SAPCD2: variants seen among roughly 807,000 people sequenced by gnomAD.
The protein encoded by SAPCD2 is suppressor APC domain containing 2, also known as suppressor APC domain-containing protein 2.
In SAPCD2, 34 loss-of-function variants were observed where a neutral mutation model predicts 37.8. The observed-to-expected ratio is 0.90, with a 90% CI of 0.68 to 1.20. SAPCD2 has a LOEUF of 1.20. SAPCD2 is among the 50% of genes most tolerant of loss of function. The pLI is 0.00. For synonymous variants in SAPCD2, 275 were observed against 270.3 expected, an observed-to-expected ratio of 1.02 and a Z score of -0.17; for missense variants, 572 against 584.7, an observed-to-expected ratio of 0.98 and a Z score of 0.22.
chr9:137,065,801 A>G lies in SAPCD2; in HGVS notation c.685-133T>C, dbSNP rs905025660. The G allele has an allele frequency of 1.5e-4, 161 of 1,108,868 alleles. No individual in the cohort carries two copies. The African/African-American group carries it at 2.4e-3, about 16-fold the overall frequency. The allele number at this position is 1,108,868 out of a possible 1,614,324, so 68.7% of individuals were successfully genotyped here. A position where few individuals can be genotyped will look rare whatever the true frequency, so the allele number is the denominator to read the frequency against. On this transcript the variant is annotated intron_variant, in intron 2 of 5. Coordinates refer to ENST00000409687, the MANE Select transcript of SAPCD2 (RefSeq NM_178448.4). The stretch of plus-strand genomic sequence containing the variant: ...CAGCAGCACGTGTACACGTTTGCAA[A>G]CACCCACGGACGCACGCTTCTGCTG...
rs966683163 is a variant in SAPCD2 at position 137,064,949 on chromosome 9, AG to A, written c.969del (p.Cys324AlafsTer4). 15 of 1,549,768 alleles carry A rather than the reference AG, an allele frequency of 9.7e-6. No individual in the cohort carries two copies. In the African/African-American group the frequency reaches 1.1e-4, roughly 11 times the overall value. ...RALPPSSSGP[P>X]CPALTSTSPP... Reference sequence around the variant, plus strand: ...GGTGAGGTGGACGTCAGGGCAGGGCAGGGGGGCCCGGAGGAGGACGGGGGCA... The same window carrying A: ...GGTGAGGTGGACGTCAGGGCAGGGCAGGGGGCCCGGAGGAGGACGGGGGCA... On this transcript the variant is annotated frameshift_variant, in exon 5 of 6. Coordinates refer to ENST00000409687, the MANE Select transcript of SAPCD2 (RefSeq NM_178448.4). LOFTEE classifies it high-confidence loss of function.
intron 2 of SAPCD2, among the ~76,000 whole-genome samples, 195 bp downstream of exon 2, chr9:137,066,067 C>G (rs939172623): frequency 6.6e-6 from 1 of 152,238 alleles, no homozygotes; most frequent in African/African-American, 2.4e-5. Context: ...CTGCCCTAAA[C>G]GACCTCTTGA....
chr9:137,069,506 CCA>C (rs1322556651), intron 1 of SAPCD2, among the ~76,000 whole-genome samples: 6 of 152,230 alleles, frequency 3.9e-5, no homozygotes, highest in Admixed American at 6.5e-5. Flanking sequence ...GCCTGAGCAG[CCA>C]CAGACAGGAG....
chr9:137,070,266 G>A lies in SAPCD2; in HGVS notation c.195C>T (p.Pro65=), dbSNP rs747640215. 2.6e-5 allele frequency: 38 copies of A among 1,453,162 alleles called. No homozygotes were observed. In the Middle Eastern group the frequency reaches 2.0e-3, roughly 76 times the overall value. 90.0% of individuals were successfully genotyped at this position (1,453,162 alleles called of 1,614,324 possible). A position where few individuals can be genotyped will look rare whatever the true frequency, so the allele number is the denominator to read the frequency against. ...RWQGTDAREL[P]RGVLEGLRQV... ...GGCGCAAGCCCTCCAGCACCCCGCGGGGCAGCTCCCGCGCGTCGGTGCCCT... is the reference window on the plus strand; with the variant it reads ...GGCGCAAGCCCTCCAGCACCCCGCGAGGCAGCTCCCGCGCGTCGGTGCCCT... The change falls in exon 1 of 6, where the codon CCC becomes CCT. Residue 65 remains proline (P), a synonymous_variant. Coordinates refer to ENST00000409687, the MANE Select transcript of SAPCD2 (RefSeq NM_178448.4).
Position 137,069,982 on chromosome 9 carries a change from T to G in SAPCD2, c.479A>C (p.Gln160Pro). 8.1e-7 allele frequency: 1 copy of G among 1,230,994 alleles called. No individual in the cohort carries two copies. Among genetic ancestry groups the G allele is most frequent in the African/African-American group, 1.6e-5 (1 of 63,918 alleles). 76.3% of individuals were successfully genotyped at this position (1,230,994 alleles called of 1,614,324 possible). Reference protein sequence around the residue: ...GPSAAARSPEQLCAPAEAAPC... With the variant: ...GPSAAARSPEPLCAPAEAAPC... Reference sequence around the variant, plus strand: ...CGCCGCCTCAGCCGGGGCGCACAGCTGCTCCGGGCTGCGGGCGGCGGCGCT... The same window carrying G: ...CGCCGCCTCAGCCGGGGCGCACAGCGGCTCCGGGCTGCGGGCGGCGGCGCT... The change falls in exon 1 of 6, where the codon CAG becomes CCG. Residue 160 changes from glutamine to proline, a missense_variant. Transcript: ENST00000409687.
rs1334266243 is a variant in SAPCD2 at position 137,066,389 on chromosome 9, C to T, written c.572-15G>A. Reference sequence around the variant, plus strand: ...CGCCACTGCACCTGTTATGGAGAGGCATGGGCCTGGCTCACCTCCAGACCT... The same window carrying T: ...CGCCACTGCACCTGTTATGGAGAGGTATGGGCCTGGCTCACCTCCAGACCT... On this transcript the variant is annotated splice_polypyrimidine_tract_variant and intron_variant, in intron 1 of 5. Transcript: ENST00000409687. The T allele has an allele frequency of 2.6e-6, 4 of 1,564,758 alleles. No homozygotes were observed. The African/African-American group carries it at 4.1e-5, about 16-fold the overall frequency.
Position 137,062,567 on chromosome 9 carries a change from T to C in SAPCD2, c.*2092A>G, listed in dbSNP as rs1832475734. ...GAGACATTTCCGGGTGTCATCACAG[T>C]GTGCACGCACGTGTATGTACCTGCA... On this transcript the variant is annotated 3_prime_UTR_variant, in exon 6 of 6. Coordinates refer to ENST00000409687, the MANE Select transcript of SAPCD2 (RefSeq NM_178448.4). 6.6e-6 allele frequency: 1 copy of C among 152,228 alleles called. No individual in the cohort carries two copies. The highest frequency in any genetic ancestry group is 2.4e-5 in the African/African-American group (1 of 41,454). 9.4% of individuals were successfully genotyped at this position (152,228 alleles called of 1,614,324 possible). A position where few individuals can be genotyped will look rare whatever the true frequency, so the allele number is the denominator to read the frequency against.
At chr9:137,069,531 G>A (rs1044124793) in intron 1 of SAPCD2, among the ~76,000 whole-genome samples, 15 of 152,340 alleles carry the variant, frequency 9.8e-5, no homozygotes, top group Admixed American at 7.8e-4. Context: ...TGAGGGCCCA[G>A]GTGTCCCCAG....
At chr9:137,065,816 C>A in intron 2 of SAPCD2, 148 bp from the exon 3 acceptor site, 1 of 982,548 alleles carries the variant, frequency 1.0e-6, no homozygotes, top group Non-Finnish European at 1.5e-6. Context: ...CACGGACGCA[C>A]GCTTCTGCTG....
chr9:137,069,810 G>T, intron 1 of SAPCD2, 80 bp downstream of exon 1: 8 of 981,854 alleles, frequency 8.1e-6, no homozygotes, highest in Non-Finnish European at 1.0e-5. Flanking sequence ...GGAAATGCAC[G>T]GGCAGCAGCT....
chr9:137,065,230 C>CG, intron 3 of SAPCD2, 45 bp from the exon 4 acceptor site: 1 of 1,353,034 alleles, frequency 7.4e-7, no homozygotes, highest in African/African-American at 1.5e-5. Flanking sequence ...GAGGTCCAGC[C>CG]GGGGCCAGCA....
At chr9:137,069,586 G>A in intron 1 of SAPCD2, among the ~76,000 whole-genome samples, 1 of 152,202 alleles carries the variant, frequency 6.6e-6, no homozygotes, top group Non-Finnish European at 1.5e-5. Context: ...CTCAGGCTTG[G>A]TACAGGTTGG....
At chr9:137,069,320 G>C (rs1009544302) in intron 1 of SAPCD2, among the ~76,000 whole-genome samples, 1 of 152,202 alleles carries the variant, frequency 6.6e-6, no homozygotes, top group Non-Finnish European at 1.5e-5. Context: ...AGCCCCACTG[G>C]GGTGCAGGAG....
intron 4 of SAPCD2, 35 bp downstream of exon 4, chr9:137,065,043 C>T: frequency 2.7e-6 from 4 of 1,502,516 alleles, no homozygotes; most frequent in Non-Finnish European, 2.7e-6. Flanking sequence ...TGGCCTGGGC[C>T]CCAGCGTGGG....
Position 137,067,774 on chromosome 9 carries a change from CAAAAAAAAAAA to C in SAPCD2, c.572-1411_572-1401del, listed in dbSNP as rs36035728. 3.8e-4 allele frequency among the ~76,000 whole-genome samples: 17 copies of C among 44,680 alleles called. No individual in the cohort carries two copies. The East Asian group carries it at 4.0e-3, about 11-fold the overall frequency. The allele number at this position is 44,680 out of a possible 152,430, so 29.3% of individuals were successfully genotyped here. ...TGGGCGACAGAGCAAGACTCCATCTCAAAAAAAAAAAAAAAAAAAAAAAAAAAAGTCCCGCG... is the reference window on the plus strand; with the variant it reads ...TGGGCGACAGAGCAAGACTCCATCTCAAAAAAAAAAAAAAAAAGTCCCGCG... On this transcript the variant is annotated intron_variant, in intron 1 of 5. Coordinates refer to ENST00000409687, the MANE Select transcript of SAPCD2 (RefSeq NM_178448.4).
chr9:137,063,503 G>A lies in SAPCD2; in HGVS notation c.*1156C>T, dbSNP rs9411303. On this transcript the variant is annotated 3_prime_UTR_variant, in exon 6 of 6. Transcript: ENST00000409687. ...CCTGCGCCCCACACACACTGACCCC[G>A]CATCGGCATCGGGGGCCCTGCGCCC... The A allele has an allele frequency of 0.36, 30,642 of 85,852 alleles. 3,512 individuals carry two copies. The highest frequency in any genetic ancestry group is 0.59 in the East Asian group (1,763 of 2,972). 5.3% of individuals were successfully genotyped at this position (85,852 alleles called of 1,614,324 possible).
rs750655708 is a variant in SAPCD2, at chr9:137,064,758, C to T, written c.1086G>A (p.Thr362=). ...QEVTEKSERI[T]QLEQEKSALI... Reference sequence around the variant, plus strand: ...GCGCCGACTTCTCCTGCTCCAGCTGCGTGATGCGCTCACTCTTCTCGGTCA... The same window carrying T: ...GCGCCGACTTCTCCTGCTCCAGCTGTGTGATGCGCTCACTCTTCTCGGTCA... Residue 362 remains threonine (T), a synonymous_variant, in exon 6 of 6, where the codon ACG becomes ACA. Coordinates refer to ENST00000409687, the MANE Select transcript of SAPCD2 (RefSeq NM_178448.4). 9 of 1,593,970 alleles carry T rather than the reference C, an allele frequency of 5.6e-6. No individual in the cohort carries two copies. Among genetic ancestry groups the T allele is most frequent in the Non-Finnish European group, 7.7e-6 (9 of 1,171,062 alleles).
At chr9:137,065,817 G>A (rs767639229) in intron 2 of SAPCD2, 149 bp from the exon 3 acceptor site, 15 of 965,616 alleles carry the variant, frequency 1.6e-5, no homozygotes, top group African/African-American at 1.2e-4. Context: ...ACGGACGCAC[G>A]CTTCTGCTGA....
At chr9:137,067,722 T>C (rs958725391) in intron 1 of SAPCD2, among the ~76,000 whole-genome samples, 38 of 130,142 alleles carry the variant, frequency 2.9e-4, no homozygotes, top group Middle Eastern at 5.9e-3. Context: ...TGCAGTGAGC[T>C]GAGATTCGCG....
Sources: allele counts gnomAD v4.1 joint callset (sites outside exome capture counted in the v4.1 genomes callset), GRCh38; gene constraint gnomAD v4.1.1; transcripts MANE v1.5; gene names NCBI Gene and HGNC (gene_info 2026-07-23, HGNC 2026-07-21).